NDRG4: variants seen among roughly 807,000 people sequenced by gnomAD.
NDRG4 encodes NDRG family member 4, also known as protein NDRG4.
A neutral mutation model predicts 55.8 loss-of-function variants in NDRG4; 38 were observed. The ratio of observed to expected loss-of-function variants is 0.68; its 90% CI spans 0.53 to 0.89. The LOEUF is 0.89. NDRG4 is among the 40% of genes least tolerant of loss of function. The probability of loss-of-function intolerance (pLI) is 0.00; values close to 1 mark genes in which losing one functional copy is unlikely to be tolerated. For missense variants in NDRG4, 455 were observed against 468.6 expected, an observed-to-expected ratio of 0.97 and a Z score of 0.27; for synonymous variants, 190 against 182.7, an observed-to-expected ratio of 1.04 and a Z score of -0.32.
At chr16:58,501,474 A>AG (rs2037097637) in intron 1 of NDRG4, 1 of 171,630 alleles carries the variant, frequency 5.8e-6, no homozygotes, top group African/African-American at 2.4e-5. Context: ...AGCCAATGGG[A>AG]GTGCTCGGCC....
chr16:58,513,607 C>CCTTATGTGTTCATTTCTG lies in NDRG4; in HGVS notation c.*2039_*2040insTTCATTTCTGCTTATGTG. ...ATGAGAATGTCACAAACATTAAAAGCCTTATGTGCTCATTTCTGCTTATGT... is the reference window on the plus strand; with the variant it reads ...ATGAGAATGTCACAAACATTAAAAGCCTTATGTGTTCATTTCTGCTTATGTGCTCATTTCTGCTTATGT... On this transcript the variant is annotated 3_prime_UTR_variant, in exon 15 of 15. Transcript: ENST00000570248. 1 of 151,060 alleles carries CCTTATGTGTTCATTTCTG rather than the reference C, an allele frequency of 6.6e-6. No homozygotes were observed. The allele number at this position is 151,060 out of a possible 1,614,324, so 9.4% of individuals were successfully genotyped here.
intron 2 of NDRG4, among the ~76,000 whole-genome samples, chr16:58,491,677 C>T (rs181164711): frequency 3.9e-5 from 6 of 152,208 alleles, no homozygotes; most frequent in African/African-American, 1.2e-4. Flanking sequence ...TCAGGCTGGC[C>T]TCAAACTCCC....
chr16:58,483,322 G>C (rs1282554473), intron 1 of NDRG4, among the ~76,000 whole-genome samples: 1 of 151,988 alleles, frequency 6.6e-6, no homozygotes, highest in Non-Finnish European at 1.5e-5. Context: ...TAGTGGGAGG[G>C]GCCTGCTGGC....
intron 5 of NDRG4, among the ~76,000 whole-genome samples, chr16:58,505,419 CAA>C (rs374142391): frequency 1.2e-5 from 1 of 81,914 alleles, no homozygotes. Flanking sequence ...TAAAAACAAG[CAA>C]AAAAAAAAAA....
chr16:58,495,647 G>C (rs1012741062), upstream of NDRG4: 5 of 152,888 alleles, frequency 3.3e-5, no homozygotes, highest in African/African-American at 1.2e-4. Flanking sequence ...CCAGCCAAGT[G>C]GTCTGGATGC....
At chr16:58,497,520 ACT>A (rs972134867), upstream of NDRG4, among the ~76,000 whole-genome samples, 14 of 150,662 alleles carry the variant, frequency 9.3e-5, no homozygotes, top group African/African-American at 3.2e-4. Flanking sequence ...AACCTCTCCA[ACT>A]CTCAGTTTCC....
At chr16:58,469,568 G>A (rs1597040826) in intron 1 of NDRG4, among the ~76,000 whole-genome samples, 2 of 151,854 alleles carry the variant, frequency 1.3e-5, no homozygotes, top group South Asian at 2.1e-4. Flanking sequence ...GTTTATAGAA[G>A]CAAAAAAGCA....
At chr16:58,508,273 C>T (rs1364970861) in intron 10 of NDRG4, among the ~76,000 whole-genome samples, 2 of 152,238 alleles carry the variant, frequency 1.3e-5, no homozygotes, top group Non-Finnish European at 2.9e-5. Flanking sequence ...GCAGCACAGC[C>T]CCAACTTGGT....
At chr16:58,480,202 C>T (rs1164768881) in intron 1 of NDRG4, among the ~76,000 whole-genome samples, 1 of 152,214 alleles carries the variant, frequency 6.6e-6, no homozygotes, top group Non-Finnish European at 1.5e-5. Context: ...CTCACTGCAA[C>T]CTCTGCCTTC....
At chr16:58,479,361 G>T (rs148187702) in intron 1 of NDRG4, among the ~76,000 whole-genome samples, 1 of 152,130 alleles carries the variant, frequency 6.6e-6, no homozygotes, top group African/African-American at 2.4e-5. Context: ...CATCCTCCTG[G>T]TGCTCACTGA....
chr16:58,492,502 G>A (rs1407940295), intron 2 of NDRG4, among the ~76,000 whole-genome samples: 21 of 25,816 alleles, frequency 8.1e-4, no homozygotes, highest in Non-Finnish European at 2.0e-3. Flanking sequence ...GTGTGTGTGT[G>A]TGTGTGTGTG....
chr16:58,510,531 CT>C, intron 13 of NDRG4, 113 bp from the exon 14 acceptor site: 1 of 902,792 alleles, frequency 1.1e-6, no homozygotes, highest in South Asian at 1.5e-5. Context: ...TGTGCCTGTC[CT>C]TTGTCCCATC....
chr16:58,512,061 A>G lies in NDRG4; in HGVS notation c.*485A>G, dbSNP rs2038868706. On this transcript the variant is annotated 3_prime_UTR_variant, in exon 15 of 15. Transcript: ENST00000570248. ...CTGTCTCATAGCACATGTGACAATC[A>G]TCTGGACAACAGCCACAAGGGGGCG... 2.2e-6 allele frequency: 1 copy of G among 456,882 alleles called. No homozygotes were observed. The highest frequency in any genetic ancestry group is 2.0e-5 in the African/African-American group (1 of 50,090). The allele number at this position is 456,882 out of a possible 1,614,324, so 28.3% of individuals were successfully genotyped here.
downstream of NDRG4, among the ~76,000 whole-genome samples, chr16:58,514,369 T>C (rs1478203218): frequency 6.6e-6 from 1 of 152,194 alleles, no homozygotes; most frequent in African/African-American, 2.4e-5. Context: ...AATCCTTACA[T>C]TAATTCTACA....
chr16:58,465,696 C>A (rs2031499523), intron 1 of NDRG4, among the ~76,000 whole-genome samples: 1 of 152,052 alleles, frequency 6.6e-6, no homozygotes. Context: ...GCCAGGAGTT[C>A]AAGACCAGCC....
intron 14 of NDRG4, 155 bp from the exon 15 acceptor site, chr16:58,511,267 A>G (rs747051977): frequency 5.4e-5 from 45 of 841,026 alleles, no homozygotes; most frequent in Non-Finnish European, 8.2e-5. Flanking sequence ...GCATGCCCCC[A>G]GCCCGACAGC....
chr16:58,512,051 T>C lies in NDRG4; in HGVS notation c.*475T>C. ...ACACCTGTTTCTGTCTCATAGCACA[T>C]GTGACAATCATCTGGACAACAGCCA... On this transcript the variant is annotated 3_prime_UTR_variant, in exon 15 of 15. Coordinates refer to ENST00000570248, the MANE Select transcript of NDRG4 (RefSeq NM_001242835.2). 1 of 457,458 alleles carries C rather than the reference T, an allele frequency of 2.2e-6. No individual in the cohort carries two copies. The highest frequency in any genetic ancestry group is 1.5e-5 in the South Asian group (1 of 64,574). The allele number at this position is 457,458 out of a possible 1,614,324, so 28.3% of individuals were successfully genotyped here. A position where few individuals can be genotyped will look rare whatever the true frequency, so the allele number is the denominator to read the frequency against.
chr16:58,487,850 G>T, exon 2 of NDRG4: 2 of 1,534,298 alleles, frequency 1.3e-6, no homozygotes, highest in Non-Finnish European at 1.8e-6. Context: ...CCACCGAGCT[G>T]GTGAGTTGGA....
chr16:58,501,111 G>A, intron 1 of NDRG4: 1 of 1,215,856 alleles, frequency 8.2e-7, no homozygotes, highest in Non-Finnish European at 1.0e-6. Flanking sequence ...AGGAGGGAGA[G>A]GCAGGGGCAG....
Sources: gnomAD v4.1 joint callset for allele counts (sites outside exome capture counted in the v4.1 genomes callset) on GRCh38, gnomAD v4.1.1 for gene constraint, MANE v1.5 for transcripts, NCBI Gene and HGNC (gene_info 2026-07-23, HGNC 2026-07-21) for gene names.